ANXA8: variants seen among roughly 807,000 people sequenced by gnomAD.
ANXA8 encodes VAC-beta.
In ANXA8, 9 loss-of-function variants were observed where a neutral mutation model predicts 26.8. That is an observed-to-expected ratio of 0.34 (90% CI 0.20 to 0.59). The LOEUF (loss-of-function observed/expected upper bound fraction) is 0.59. Among genes scored for constraint, ANXA8 ranks in the 20% least tolerant of loss-of-function variants. The pLI is 0.84. For synonymous variants in ANXA8, 39 were observed against 94.8 expected (o/e 0.41, Z 3.42); for missense variants, 83 against 238.5 (o/e 0.35, Z 4.29).
the ANXA8 span, among the ~76,000 whole-genome samples, chr10:47,631,655 T>C: frequency 2.0e-5 from 3 of 150,422 alleles, no homozygotes; most frequent in Non-Finnish European, 4.4e-5. Context: ...TAAATGCAAC[T>C]TTTATTTAAG....
the ANXA8 span, among the ~76,000 whole-genome samples, chr10:47,490,027 A>G: frequency 1.7e-4 from 26 of 150,102 alleles, no homozygotes; most frequent in Admixed American, 1.7e-3. Context: ...CTGGAATGGC[A>G]ATGAGCAGGC....
chr10:47,690,967 T>A, the ANXA8 span: 2 of 1,611,128 alleles, frequency 1.2e-6, no homozygotes, highest in Non-Finnish European at 1.7e-6. Flanking sequence ...GAGAAATGTG[T>A]CTGAATTTAA....
At chr10:47,618,853 A>G in the ANXA8 span, among the ~76,000 whole-genome samples, 1 of 113,658 alleles carries the variant, frequency 8.8e-6, no homozygotes, top group Non-Finnish European at 1.9e-5. Flanking sequence ...TATGACATTT[A>G]CTCTCCATGT....
the ANXA8 span, among the ~76,000 whole-genome samples, chr10:47,956,779 C>T: frequency 6.7e-6 from 1 of 149,880 alleles, no homozygotes; most frequent in Non-Finnish European, 1.5e-5. Flanking sequence ...TTCCCTTCCT[C>T]GCACAGCCCA....
chr10:47,555,808 C>T, the ANXA8 span, among the ~76,000 whole-genome samples: 1 of 152,180 alleles, frequency 6.6e-6, no homozygotes, highest in Admixed American at 6.5e-5. Flanking sequence ...GTGTGGAAAA[C>T]CCACACATTT....
At chr10:47,772,004 C>T in the ANXA8 span, among the ~76,000 whole-genome samples, 3 of 151,756 alleles carry the variant, frequency 2.0e-5, no homozygotes, top group Admixed American at 1.3e-4. Context: ...ATTTCATTAG[C>T]TCTAAGATGT....
the ANXA8 span, among the ~76,000 whole-genome samples, chr10:47,744,445 G>GGGGTGGGGGGGA: frequency 1.0e-5 from 1 of 96,772 alleles, no homozygotes; most frequent in African/African-American, 3.6e-5. Flanking sequence ...GGGAAGAGGG[G>GGGGTGGGGGGGA]GGGCCTTGCA....
the ANXA8 span, among the ~76,000 whole-genome samples, chr10:47,552,805 T>C: frequency 0.19 from 28,025 of 150,988 alleles, 2,707 homozygotes; most frequent in East Asian, 0.48. Context: ...GTTTAATAAA[T>C]GTTTGTGTCT....
At chr10:47,973,736 T>A in the ANXA8 span, among the ~76,000 whole-genome samples, 1 of 151,046 alleles carries the variant, frequency 6.6e-6, no homozygotes, top group Non-Finnish European at 1.5e-5. Flanking sequence ...CTACCTGGAT[T>A]GTTTATTGGT....
chr10:47,514,077 G>C, the ANXA8 span, among the ~76,000 whole-genome samples: 1 of 141,882 alleles, frequency 7.0e-6, no homozygotes, highest in Non-Finnish European at 1.5e-5. Context: ...ACAATCAACA[G>C]AGTATACAGA....
chr10:47,649,410 T>C, the ANXA8 span, among the ~76,000 whole-genome samples: 1 of 151,508 alleles, frequency 6.6e-6, no homozygotes, highest in African/African-American at 2.4e-5. Context: ...TTATTAAAAT[T>C]AAATTTTTTT....
At chr10:47,626,459 AT>A in the ANXA8 span, among the ~76,000 whole-genome samples, 52 of 150,366 alleles carry the variant, frequency 3.5e-4, no homozygotes, top group East Asian at 9.9e-3. Flanking sequence ...GATATCCCAT[AT>A]ATTGTAACTA....
the ANXA8 span, among the ~76,000 whole-genome samples, chr10:47,683,356 G>A: frequency 6.6e-6 from 1 of 151,118 alleles, no homozygotes; most frequent in African/African-American, 2.4e-5. Context: ...AGCCTCCAGA[G>A]TAGCTGGGAC....
chr10:47,972,535 G>A, the ANXA8 span, among the ~76,000 whole-genome samples: 121 of 123,324 alleles, frequency 9.8e-4, no homozygotes, highest in African/African-American at 3.5e-3. Flanking sequence ...AGGATAAGTC[G>A]GATCTTCAAG....
the ANXA8 span, among the ~76,000 whole-genome samples, chr10:47,958,582 C>T: frequency 6.7e-6 from 1 of 148,546 alleles, no homozygotes; most frequent in African/African-American, 2.6e-5. Flanking sequence ...ATGGCTTCGC[C>T]TCCTCCTCTA....
the ANXA8 span, among the ~76,000 whole-genome samples, chr10:47,681,232 C>G: frequency 1.8e-4 from 27 of 151,750 alleles, 2 homozygotes; most frequent in South Asian, 3.5e-3. Flanking sequence ...GGAAGTAGAG[C>G]ACGGGGAAAA....
At chr10:47,778,697 A>G in the ANXA8 span, among the ~76,000 whole-genome samples, 237 of 152,116 alleles carry the variant, frequency 1.6e-3, 5 homozygotes, top group Non-Finnish European at 2.0e-3. Context: ...CGCCTTTGAA[A>G]TGTTGTTAGA....
At chr10:47,670,348 ATT>A in the ANXA8 span, among the ~76,000 whole-genome samples, 1 of 151,878 alleles carries the variant, frequency 6.6e-6, no homozygotes, top group African/African-American at 2.4e-5. Flanking sequence ...GGGGGTGAAC[ATT>A]TGTTTTTATT....
At chr10:47,977,569 A>G in the ANXA8 span, among the ~76,000 whole-genome samples, 4 of 151,708 alleles carry the variant, frequency 2.6e-5, no homozygotes, top group Non-Finnish European at 5.9e-5. Context: ...AAGAATGTTA[A>G]AAAGCATGAC....
Sources: allele counts gnomAD v4.1 joint callset (sites outside exome capture counted in the v4.1 genomes callset), GRCh38; gene constraint gnomAD v4.1.1; transcripts MANE v1.5; gene names NCBI Gene and HGNC (gene_info 2026-07-23, HGNC 2026-07-21).